Variants in CFAP20DC observed in about 807,000 individuals in gnomAD.
The protein encoded by CFAP20DC is CFAP20 domain containing.
CFAP20DC carries 84 observed loss-of-function variants against 101.7 expected under a neutral mutation model. The ratio of observed to expected loss-of-function variants is 0.83; its 90% CI spans 0.69 to 0.99. The LOEUF is 0.99. CFAP20DC is among the 50% of genes least tolerant of loss of function. The pLI is 0.00. For synonymous variants in CFAP20DC, 359 were observed against 351.2 expected (o/e 1.02, Z -0.25); for missense variants, 1,007 against 970.3 (o/e 1.04, Z -0.50).
Position 58,964,794 on chromosome 3 carries a change from T to G in CFAP20DC, c.279-27032A>C, listed in dbSNP as rs1472901942. Among the ~76,000 whole-genome samples the G allele has an allele frequency of 6.6e-6, 1 of 152,208 alleles. No homozygotes were observed. The highest frequency in any genetic ancestry group is 2.4e-5 in the African/African-American group (1 of 41,456). On this transcript the variant is annotated intron_variant, in intron 4 of 16. Coordinates refer to ENST00000482387, the MANE Select transcript of CFAP20DC (RefSeq NM_001394063.1). The surrounding 1 kb of genome is among the most constrained non-coding windows in gnomAD (Gnocchi z 4.1). ...ATAGCTCCTATTAGATTTTGGTGAT[T>G]ACATCATTGTATACTGATTTTTGCA...
intron 1 of CFAP20DC, among the ~76,000 whole-genome samples, chr3:59,048,323 G>A (rs549543013): frequency 3.9e-5 from 6 of 152,224 alleles, no homozygotes; most frequent in Admixed American, 2.0e-4. Context: ...TATAACACAC[G>A]ATCACTTGGA....
Position 59,037,688 on chromosome 3 carries a change from C to T in CFAP20DC, c.278+1869G>A, listed in dbSNP as rs1403923817. 2.0e-5 allele frequency among the ~76,000 whole-genome samples: 3 copies of T among 150,800 alleles called. No individual in the cohort carries two copies. In the South Asian group the frequency reaches 6.3e-4, roughly 31 times the overall value. On this transcript the variant is annotated intron_variant, in intron 4 of 16. Transcript: ENST00000482387. ...ACGCTTTTATACTGTTGGTGGGAGTCTAAATTAAACCACTGTAGAATAAAT... is the reference window on the plus strand; with the variant it reads ...ACGCTTTTATACTGTTGGTGGGAGTTTAAATTAAACCACTGTAGAATAAAT...
At position 59,014,294 on chromosome 3, in the gene CFAP20DC, A is replaced by C. The variant is rs1485902993; in HGVS notation, c.278+25263T>G. Among the ~76,000 whole-genome samples, 1 of 152,176 alleles carries C rather than the reference A, an allele frequency of 6.6e-6. No homozygotes were observed. Among genetic ancestry groups the C allele is most frequent in the Non-Finnish European group, 1.5e-5 (1 of 68,014 alleles). On this transcript the variant is annotated intron_variant, in intron 4 of 16. Coordinates refer to ENST00000482387, the MANE Select transcript of CFAP20DC (RefSeq NM_001394063.1). This position sits in a 1 kb window ranked among gnomAD's most constrained non-coding sequence, Gnocchi z 4.9. ...TTCCATCTGTATGCAAAACTGTTGC[A>C]GGAAGAAATGTATCATAAAACATAA...
intron 14 of CFAP20DC, among the ~76,000 whole-genome samples, chr3:58,818,100 T>C (rs1458626564): frequency 6.6e-6 from 1 of 150,482 alleles, no homozygotes; most frequent in African/African-American, 2.5e-5. Flanking sequence ...TGAGAGATTT[T>C]GTCACCACCA....
At chr3:58,820,131 T>C (rs1437614954) in intron 14 of CFAP20DC, among the ~76,000 whole-genome samples, 1 of 152,022 alleles carries the variant, frequency 6.6e-6, no homozygotes, top group Non-Finnish European at 1.5e-5. Flanking sequence ...TAGGTATTGA[T>C]GGGACATATT....
intron 15 of CFAP20DC, among the ~76,000 whole-genome samples, chr3:58,757,939 T>C (rs915971326): frequency 6.6e-6 from 1 of 152,080 alleles, no homozygotes; most frequent in Non-Finnish European, 1.5e-5. Context: ...ATAAAAAACT[T>C]TGGGCTAAAC....
chr3:58,758,233 A>G (rs1265442420), intron 15 of CFAP20DC, among the ~76,000 whole-genome samples: 1 of 152,096 alleles, frequency 6.6e-6, no homozygotes, highest in Non-Finnish European at 1.5e-5. Context: ...TGTATCTTAC[A>G]TGTTTACATT....
chr3:58,882,820 A>G lies in CFAP20DC; in HGVS notation c.715+1725T>C, dbSNP rs1415179907. ...CCTACCTAAAGTTGGTAACTGTGGAAGCAGGTGATTGGGTACACAGGGGTT... is the reference window on the plus strand; with the variant it reads ...CCTACCTAAAGTTGGTAACTGTGGAGGCAGGTGATTGGGTACACAGGGGTT... On this transcript the variant is annotated intron_variant, in intron 7 of 16. Coordinates refer to ENST00000482387, the MANE Select transcript of CFAP20DC (RefSeq NM_001394063.1). This position sits in a 1 kb window ranked among gnomAD's most constrained non-coding sequence, Gnocchi z 4.2. Among the ~76,000 whole-genome samples the G allele has an allele frequency of 6.6e-6, 1 of 152,196 alleles. No individual in the cohort carries two copies. The highest frequency in any genetic ancestry group is 1.5e-5 in the Non-Finnish European group (1 of 68,028).
Position 58,742,448 on chromosome 3 carries a change from C to T in CFAP20DC, c.*12G>A, listed in dbSNP as rs552053697. On this transcript the variant is annotated 3_prime_UTR_variant, in exon 17 of 17. Coordinates refer to ENST00000482387, the MANE Select transcript of CFAP20DC (RefSeq NM_001394063.1). ...AGCTGGGAGTGCCTGCTCTCTGCCCCGGAAGGAGGCATTATACCAACTCAT... is the reference window on the plus strand; with the variant it reads ...AGCTGGGAGTGCCTGCTCTCTGCCCTGGAAGGAGGCATTATACCAACTCAT... 36 of 1,585,140 alleles carry T rather than the reference C, an allele frequency of 2.3e-5. No homozygotes were observed. The highest frequency in any genetic ancestry group is 3.3e-4 in the Middle Eastern group (2 of 5,998).
chr3:58,778,539 C>T (rs1021954406), intron 15 of CFAP20DC, among the ~76,000 whole-genome samples: 5 of 152,320 alleles, frequency 3.3e-5, no homozygotes, highest in Admixed American at 2.6e-4. Context: ...GTTGTTCTAC[C>T]ACTGCTACTA....
At chr3:58,842,529 C>T (rs1050004273) in intron 13 of CFAP20DC, among the ~76,000 whole-genome samples, 27 of 152,212 alleles carry the variant, frequency 1.8e-4, no homozygotes, top group African/African-American at 4.8e-4. Flanking sequence ...CACGGAATCT[C>T]GCTGATTGCT....
At chr3:58,879,826 T>A (rs537275360) in intron 7 of CFAP20DC, among the ~76,000 whole-genome samples, 77 of 152,246 alleles carry the variant, frequency 5.1e-4, no homozygotes, top group African/African-American at 1.7e-3. Flanking sequence ...AACTAAAATA[T>A]CTCAAAATTC....
chr3:59,047,213 A>AT lies in CFAP20DC; in HGVS notation c.62dup (p.Asn21LysfsTer11), dbSNP rs1699934569. ...CAAGGATCTTCCATTTTGCTCCAGGATTTTTTCCTTGAGCACTGAAAATTT... is the reference window on the plus strand; with the variant it reads ...CAAGGATCTTCCATTTTGCTCCAGGATTTTTTTCCTTGAGCACTGAAAATTT... On this transcript the variant is annotated frameshift_variant, in exon 2 of 17. Transcript: ENST00000482387. LOFTEE classifies it high-confidence loss of function. 1 of 1,535,470 alleles carries AT rather than the reference A, an allele frequency of 6.5e-7. No individual in the cohort carries two copies. Among genetic ancestry groups the AT allele is most frequent in the Non-Finnish European group, 8.7e-7 (1 of 1,146,476 alleles).
chr3:58,771,456 C>A (rs2070836736), intron 15 of CFAP20DC, among the ~76,000 whole-genome samples: 1 of 151,934 alleles, frequency 6.6e-6, no homozygotes, highest in Non-Finnish European at 1.5e-5. Context: ...AACATAGAGC[C>A]TTCCCGTTAA....
chr3:58,737,797 C>T (rs1351335574), downstream of CFAP20DC, among the ~76,000 whole-genome samples: 4 of 152,088 alleles, frequency 2.6e-5, no homozygotes, highest in African/African-American at 7.2e-5. The surrounding 1 kb of genome is among the most constrained non-coding windows in gnomAD (Gnocchi z 4.1). Context: ...GCAAAAGAAA[C>T]GGAAATGCTC....
intron 5 of CFAP20DC, among the ~76,000 whole-genome samples, chr3:58,931,857 A>C (rs13097524): frequency 3.9e-5 from 6 of 152,240 alleles, no homozygotes; most frequent in Admixed American, 2.6e-4. Flanking sequence ...AACTCTAAAA[A>C]GCAGAGCACC....
At chr3:58,840,767 G>C (rs748499451) in intron 13 of CFAP20DC, among the ~76,000 whole-genome samples, 8 of 152,154 alleles carry the variant, frequency 5.3e-5, no homozygotes, top group Non-Finnish European at 1.0e-4. Context: ...TTCAGATTAG[G>C]GGCTAGGTGT....
chr3:58,787,629 T>C (rs2072473526), intron 15 of CFAP20DC, among the ~76,000 whole-genome samples: 1 of 152,030 alleles, frequency 6.6e-6, no homozygotes, highest in Non-Finnish European at 1.5e-5. Flanking sequence ...GACCCAGCAA[T>C]CCCATTACCG....
Position 58,812,222 on chromosome 3 carries a change from T to A in CFAP20DC, c.2176-5766A>T, listed in dbSNP as rs1262815264. On this transcript the variant is annotated intron_variant, in intron 14 of 16. Coordinates refer to ENST00000482387, the MANE Select transcript of CFAP20DC (RefSeq NM_001394063.1). Reference sequence around the variant, plus strand: ...ATTACTGGGTATATACCCAAAGGACTATAAATCATGCTGCTATAAAGACAC... The same window carrying A: ...ATTACTGGGTATATACCCAAAGGACAATAAATCATGCTGCTATAAAGACAC... Among the ~76,000 whole-genome samples the A allele has an allele frequency of 1.4e-4, 21 of 152,104 alleles. 1 individual carries two copies. The highest frequency in any genetic ancestry group is 1.2e-3 in the Admixed American group (19 of 15,242).
Sources: allele counts gnomAD v4.1 joint callset (sites outside exome capture counted in the v4.1 genomes callset), GRCh38; gene constraint gnomAD v4.1.1; non-coding constraint Gnocchi (gnomAD v3.1); transcripts MANE v1.5; gene names NCBI Gene and HGNC (gene_info 2026-07-23, HGNC 2026-07-21).